Variants in SLC9A8 observed in about 807,000 individuals in gnomAD.
SLC9A8 encodes solute carrier family 9 member A8, also known as sodium/hydrogen exchanger 8.
Under a neutral mutation model 66.6 loss-of-function variants are expected in SLC9A8, and 48 were observed. The ratio of observed to expected loss-of-function variants is 0.72; its 90% CI spans 0.57 to 0.92. The LOEUF is 0.92. SLC9A8 is among the 40% of genes least tolerant of loss of function. The pLI is 0.00. For synonymous variants in SLC9A8, 274 were observed against 282.6 expected, an observed-to-expected ratio of 0.97 and a Z score of 0.31; for missense variants, 599 against 747.3, an observed-to-expected ratio of 0.80 and a Z score of 2.31.
chr20:49,882,216 C>G (rs967816273), intron 13 of SLC9A8, among the ~76,000 whole-genome samples: 2 of 152,210 alleles, frequency 1.3e-5, no homozygotes, highest in Admixed American at 6.5e-5. Context: ...CAGACCCTTG[C>G]GAGTGAGCCG....
intron 1 of SLC9A8, 134 bp from the exon 2 acceptor site, chr20:49,814,874 C>A: frequency 3.2e-6 from 2 of 618,866 alleles, no homozygotes; most frequent in Non-Finnish European, 5.1e-6. Context: ...GTAAGTTTCT[C>A]TCGAAGGCCT....
In SLC9A8 at chr20:49,873,439, G is replaced by T. The variant is rs574097970; in HGVS notation, c.959-1266G>T. On this transcript the variant is annotated intron_variant, in intron 10 of 15. Transcript: ENST00000361573. Reference sequence around the variant, plus strand: ...GGAGGTTGCAGTGAGCTGATACCACGCCATTGCACTCCAGCCTGGGCGACA... The same window carrying T: ...GGAGGTTGCAGTGAGCTGATACCACTCCATTGCACTCCAGCCTGGGCGACA... Among the ~76,000 whole-genome samples the T allele has an allele frequency of 2.1e-5, 3 of 143,486 alleles. No individual in the cohort carries two copies. In the South Asian group the frequency reaches 6.8e-4, roughly 32 times the overall value. The allele number at this position is 143,486 out of a possible 152,430, so 94.1% of individuals were successfully genotyped here. A position where few individuals can be genotyped will look rare whatever the true frequency, so the allele number is the denominator to read the frequency against.
At chr20:49,815,690 A>T (rs1248070188) in intron 2 of SLC9A8, among the ~76,000 whole-genome samples, 4 of 152,054 alleles carry the variant, frequency 2.6e-5, no homozygotes, top group Non-Finnish European at 5.9e-5. Context: ...GGTTGCAGTG[A>T]GCCGAGATCA....
At position 49,855,636 on chromosome 20, in the gene SLC9A8, T is replaced by C. The variant is rs148937790; in HGVS notation, c.713+55T>C. On this transcript the variant is annotated intron_variant, in intron 8 of 15. Coordinates refer to ENST00000361573, the MANE Select transcript of SLC9A8 (RefSeq NM_015266.3). ...TTCATGTGACAGAACTAAAGGTCCTTGTAACAAAGGGGCAGATATTTCCAC... is the reference window on the plus strand; with the variant it reads ...TTCATGTGACAGAACTAAAGGTCCTCGTAACAAAGGGGCAGATATTTCCAC... The C allele has an allele frequency of 6.1e-5, 95 of 1,552,436 alleles. 1 individual carries two copies. The East Asian group carries it at 2.0e-3, about 32-fold the overall frequency.
intron 9 of SLC9A8, among the ~76,000 whole-genome samples, chr20:49,863,435 C>G (rs1024974242): frequency 2.0e-5 from 3 of 152,188 alleles, no homozygotes; most frequent in African/African-American, 7.2e-5. Flanking sequence ...GTCAAATAGA[C>G]CAGGTGCAGT....
intron 12 of SLC9A8, among the ~76,000 whole-genome samples, chr20:49,880,553 G>A (rs1220955939): frequency 6.6e-6 from 1 of 152,118 alleles, no homozygotes; most frequent in Non-Finnish European, 1.5e-5. Context: ...CCCAAGGAGG[G>A]GCACCTTGGG....
At chr20:49,850,405 C>T (rs563248079) in intron 6 of SLC9A8, among the ~76,000 whole-genome samples, 107 of 152,282 alleles carry the variant, frequency 7.0e-4, no homozygotes, top group African/African-American at 2.2e-3. Context: ...ATCTGAGTGA[C>T]GGGCAGATTT....
chr20:49,862,892 A>C, intron 8 of SLC9A8, 37 bp from the exon 9 acceptor site: 2 of 1,528,720 alleles, frequency 1.3e-6, no homozygotes, highest in Non-Finnish European at 1.8e-6. Flanking sequence ...TGTGTATATA[A>C]CATTTTAATT....
chr20:49,832,476 G>A (rs1175894591), intron 3 of SLC9A8, among the ~76,000 whole-genome samples: 1 of 152,174 alleles, frequency 6.6e-6, no homozygotes, highest in Non-Finnish European at 1.5e-5. Flanking sequence ...TCACCCAAGG[G>A]ATGTCAATTT....
rs772384754 is a variant in SLC9A8 at position 49,839,535 on chromosome 20, T to A, written c.290-6T>A. 1.3e-6 allele frequency: 2 copies of A among 1,511,466 alleles called. No individual in the cohort carries two copies. The allele number at this position is 1,511,466 out of a possible 1,614,324, so 93.6% of individuals were successfully genotyped here. A position where few individuals can be genotyped will look rare whatever the true frequency, so the allele number is the denominator to read the frequency against. On this transcript the variant is annotated splice_polypyrimidine_tract_variant and splice_region_variant and intron_variant, in intron 3 of 15. Coordinates refer to ENST00000361573, the MANE Select transcript of SLC9A8 (RefSeq NM_015266.3). ...TTTATGTTAAAGTTTACATTTTCTC[T>A]TGTAGGTATTCTCATGGGAGCAGTT...
At chr20:49,869,250 C>T (rs6012762) in intron 10 of SLC9A8, among the ~76,000 whole-genome samples, 121,297 of 152,014 alleles carry the variant, frequency 0.8, 48,434 homozygotes, top group East Asian at 0.84. Context: ...GGCAGAGTTT[C>T]GCTCTGTAGC....
chr20:49,828,919 A>ATG (rs140016053), intron 3 of SLC9A8, among the ~76,000 whole-genome samples: 53,472 of 150,504 alleles, frequency 0.36, 9,594 homozygotes, highest in Middle Eastern at 0.4. Context: ...CACAGTATAG[A>ATG]TGTGTGTGTG....
chr20:49,883,371 C>A (rs2089703277), intron 13 of SLC9A8, among the ~76,000 whole-genome samples: 1 of 152,136 alleles, frequency 6.6e-6, no homozygotes, highest in East Asian at 1.9e-4. Flanking sequence ...AGTTGAGTGG[C>A]CCTGGGCGGG....
intron 9 of SLC9A8, 118 bp downstream of exon 9, chr20:49,863,185 G>C: frequency 1.1e-6 from 1 of 952,180 alleles, no homozygotes; most frequent in Admixed American, 3.0e-5. Flanking sequence ...TTGCTTAAAG[G>C]AGGATTTTTT....
At chr20:49,873,771 CAA>C (rs35613935) in intron 10 of SLC9A8, among the ~76,000 whole-genome samples, 210 of 60,244 alleles carry the variant, frequency 3.5e-3, no homozygotes, top group African/African-American at 0.01. Context: ...AACTCCGTCT[CAA>C]AAAAAAAAAA....
intron 4 of SLC9A8, among the ~76,000 whole-genome samples, chr20:49,843,011 G>A (rs895608641): frequency 1.3e-5 from 2 of 152,094 alleles, no homozygotes; most frequent in Admixed American, 6.5e-5. Context: ...ACAAGTCGAT[G>A]TTTGCTGCCT....
chr20:49,830,775 A>G (rs993940098), intron 3 of SLC9A8: 17 of 839,680 alleles, frequency 2.0e-5, no homozygotes, highest in Non-Finnish European at 3.1e-5. Flanking sequence ...CTTCATAGCC[A>G]TGATCACTGA....
chr20:49,892,100 G>C lies in SLC9A8; in HGVS notation c.*4164G>C, dbSNP rs2090058049. 6.6e-6 allele frequency: 1 copy of C among 152,266 alleles called. No individual in the cohort carries two copies. Among genetic ancestry groups the C allele is most frequent in the African/African-American group, 2.4e-5 (1 of 41,452 alleles). 9.4% of individuals were successfully genotyped at this position (152,266 alleles called of 1,614,324 possible). ...GCTTTGGGCTGGGAGGGGAAGGCGG[G>C]TCAGAGATGGGGGACCTGTGGCTGC... On this transcript the variant is annotated 3_prime_UTR_variant, in exon 16 of 16. Coordinates refer to ENST00000361573, the MANE Select transcript of SLC9A8 (RefSeq NM_015266.3).
At chr20:49,817,034 A>C (rs1174017452) in intron 2 of SLC9A8, among the ~76,000 whole-genome samples, 1 of 147,234 alleles carries the variant, frequency 6.8e-6, no homozygotes, top group East Asian at 2.3e-4. Flanking sequence ...AGCCAAGTCC[A>C]AATTCTTGTT....
Sources: allele counts gnomAD v4.1 joint callset (sites outside exome capture counted in the v4.1 genomes callset), GRCh38; gene constraint gnomAD v4.1.1; transcripts MANE v1.5; gene names NCBI Gene and HGNC (gene_info 2026-07-23, HGNC 2026-07-21).